C12orf56: variants seen among roughly 807,000 people sequenced by gnomAD.
C12orf56 encodes uncharacterized protein C12orf56.
C12orf56 carries 71 observed loss-of-function variants against 69.9 expected under a neutral mutation model. That is an observed-to-expected ratio of 1.02 (90% CI 0.84 to 1.24). C12orf56 has a LOEUF of 1.24. Ranked by LOEUF, C12orf56 falls within the 50% of genes most tolerant of loss-of-function variation. C12orf56 has a pLI of 0.00. For missense variants in C12orf56, 732 were observed against 738.5 expected (o/e 0.99, Z 0.10); for synonymous variants, 276 against 274.1 (o/e 1.01, Z -0.07).
intron 3 of C12orf56, among the ~76,000 whole-genome samples, chr12:64,319,638 C>G (rs2038744886): frequency 6.6e-6 from 1 of 152,184 alleles, no homozygotes; most frequent in African/African-American, 2.4e-5. Context: ...ATCCCTAAGC[C>G]TAGCTGGGAA....
At chr12:64,365,987 A>G (rs1247290970) in intron 1 of C12orf56, among the ~76,000 whole-genome samples, 1 of 128,646 alleles carries the variant, frequency 7.8e-6, no homozygotes, top group Non-Finnish European at 1.5e-5. Flanking sequence ...AGCTTGTATA[A>G]TATATAGTTT....
chr12:64,286,960 G>T (rs1235424756), intron 6 of C12orf56, among the ~76,000 whole-genome samples: 7 of 152,018 alleles, frequency 4.6e-5, no homozygotes, highest in African/African-American at 1.7e-4. Flanking sequence ...GACTTGGCCA[G>T]ATGTGGTGGC....
intron 6 of C12orf56, among the ~76,000 whole-genome samples, chr12:64,296,700 T>C (rs1160292110): frequency 6.6e-6 from 1 of 152,232 alleles, no homozygotes; most frequent in African/African-American, 2.4e-5. Flanking sequence ...AGTCTGAATG[T>C]GTCCCCCAAA....
In C12orf56 at chr12:64,308,326, A is replaced by AATAC. The variant is rs530877082; in HGVS notation, c.968+4349_968+4352dup. On this transcript the variant is annotated intron_variant, in intron 5 of 12. Coordinates refer to ENST00000543942, the MANE Select transcript of C12orf56 (RefSeq NM_001170633.2). ...GATAGTGGAAGACCCTGTATCAATA[A>AATAC]ATACATACATACATACATACATAAA... is the stretch of plus-strand genomic sequence containing the variant. Among the ~76,000 whole-genome samples, 187 of 152,278 alleles carry AATAC rather than the reference A, an allele frequency of 1.2e-3. 2 individuals carry two copies. Among genetic ancestry groups the AATAC allele is most frequent in the South Asian group, 2.3e-3 (11 of 4,828 alleles).
At chr12:64,365,818 A>ATATATTATGTATAATATATAGTG (rs2039464644) in intron 1 of C12orf56, among the ~76,000 whole-genome samples, 1 of 140,474 alleles carries the variant, frequency 7.1e-6, no homozygotes, top group Non-Finnish European at 1.5e-5. Flanking sequence ...TATATAGTGT[A>ATATATTATGTATAATATATAGTG]TATATTATGT....
At chr12:64,378,288 T>A (rs985872343) in intron 1 of C12orf56, among the ~76,000 whole-genome samples, 2 of 152,228 alleles carry the variant, frequency 1.3e-5, no homozygotes, top group African/African-American at 4.8e-5. Flanking sequence ...AAAAGTGGCA[T>A]GTATCAGTTC....
chr12:64,282,695 G>A (rs1257208902), intron 8 of C12orf56, among the ~76,000 whole-genome samples: 11 of 151,806 alleles, frequency 7.2e-5, no homozygotes, highest in Admixed American at 2.0e-4. Flanking sequence ...CTGAGCCCCA[G>A]GGAGGTCGAG....
At chr12:64,381,113 G>A (rs534710131) in intron 1 of C12orf56, among the ~76,000 whole-genome samples, 1 of 152,088 alleles carries the variant, frequency 6.6e-6, no homozygotes, top group South Asian at 2.1e-4. Flanking sequence ...GGGGATTAGA[G>A]TTTTTAAGGA....
intron 8 of C12orf56, among the ~76,000 whole-genome samples, chr12:64,283,908 AT>A (rs35345999): frequency 0.036 from 4,806 of 133,092 alleles, 225 homozygotes; most frequent in African/African-American, 0.12. Context: ...TAGAGTATCT[AT>A]TTTTTTTTTT....
chr12:64,300,327 T>C (rs1020197971), intron 6 of C12orf56, among the ~76,000 whole-genome samples: 1 of 151,918 alleles, frequency 6.6e-6, no homozygotes, highest in African/African-American at 2.4e-5. Flanking sequence ...ACTCTCTTTC[T>C]CTCCATTCTT....
intron 6 of C12orf56, among the ~76,000 whole-genome samples, chr12:64,286,344 G>T (rs1233294784): frequency 6.6e-6 from 1 of 152,306 alleles, no homozygotes; most frequent in East Asian, 1.9e-4. Context: ...CCAGAAGCAG[G>T]TGTGTAATCT....
intron 2 of C12orf56, among the ~76,000 whole-genome samples, chr12:64,341,833 C>T (rs1348394343): frequency 1.3e-5 from 2 of 152,166 alleles, no homozygotes; most frequent in African/African-American, 4.8e-5. Context: ...GTCTCTTCTG[C>T]TGGCAAATTG....
intron 4 of C12orf56, 83 bp downstream of exon 4, chr12:64,318,492 G>T (rs1209365637): frequency 1.6e-5 from 19 of 1,222,332 alleles, no homozygotes; most frequent in Non-Finnish European, 2.1e-5. Flanking sequence ...AAAATGGGAG[G>T]TAAAGGAGGG....
intron 5 of C12orf56, 73 bp from the exon 6 acceptor site, chr12:64,303,852 C>G (rs915167076): frequency 4.6e-5 from 68 of 1,462,480 alleles, no homozygotes; most frequent in Non-Finnish European, 5.3e-5. Flanking sequence ...TCAATGATTA[C>G]TGTCAGGTTT....
intron 11 of C12orf56, among the ~76,000 whole-genome samples, chr12:64,271,281 A>T (rs2136742408): frequency 6.6e-6 from 1 of 152,216 alleles, no homozygotes; most frequent in Non-Finnish European, 1.5e-5. Context: ...CCTGGTTAAC[A>T]TGGCAAAACC....
intron 1 of C12orf56, among the ~76,000 whole-genome samples, chr12:64,385,226 C>T (rs929286948): frequency 3.3e-5 from 5 of 152,162 alleles, no homozygotes; most frequent in Non-Finnish European, 7.3e-5. Context: ...AAATGAACCA[C>T]ATCAAACACA....
intron 1 of C12orf56, among the ~76,000 whole-genome samples, chr12:64,353,883 G>A (rs566482347): frequency 5.5e-4 from 84 of 152,236 alleles, no homozygotes; most frequent in African/African-American, 2.0e-3. Flanking sequence ...GTTTCACCAT[G>A]TGGGACAGGC....
At chr12:64,379,687 C>T (rs1337419331) in intron 1 of C12orf56, among the ~76,000 whole-genome samples, 1 of 151,804 alleles carries the variant, frequency 6.6e-6, no homozygotes, top group African/African-American at 2.4e-5. Context: ...ACAGTGAGAG[C>T]CTTAAAATGC....
intron 2 of C12orf56, among the ~76,000 whole-genome samples, chr12:64,332,956 A>G (rs905814560): frequency 5.9e-5 from 9 of 152,224 alleles, no homozygotes; most frequent in Non-Finnish European, 2.9e-5. Flanking sequence ...GATAGGCAGA[A>G]TCAGTTTTTT....
Sources: allele counts gnomAD v4.1 joint callset (sites outside exome capture counted in the v4.1 genomes callset), GRCh38; gene constraint gnomAD v4.1.1; transcripts MANE v1.5; gene names NCBI Gene and HGNC (gene_info 2026-07-23, HGNC 2026-07-21).